Variants in UNC5B observed in about 807,000 individuals in gnomAD.
UNC5B encodes unc-5 netrin receptor B, also known as netrin receptor UNC5B.
Under a neutral mutation model 103.7 loss-of-function variants are expected in UNC5B, and 56 were observed. That is an observed-to-expected ratio of 0.54 (90% confidence interval 0.44 to 0.67). The LOEUF (loss-of-function observed/expected upper bound fraction) is 0.67. UNC5B is among the 30% of genes least tolerant of loss of function. UNC5B has a pLI of 0.00. For synonymous variants in UNC5B, 577 were observed against 542.0 expected (o/e 1.06, Z -0.90); for missense variants, 1,194 against 1,284.5 (o/e 0.93, Z 1.08).
At chr10:71,278,732 C>T (rs1250885185) in intron 1 of UNC5B, among the ~76,000 whole-genome samples, 2 of 152,350 alleles carry the variant, frequency 1.3e-5, no homozygotes, top group African/African-American at 2.4e-5. Context: ...CCCCTCCCTC[C>T]GCTGTAGGTG....
At chr10:71,226,867 G>C (rs1843574476) in intron 1 of UNC5B, among the ~76,000 whole-genome samples, 2 of 152,186 alleles carry the variant, frequency 1.3e-5, no homozygotes, top group South Asian at 4.2e-4. Flanking sequence ...TAGGAATTAA[G>C]GGATACTTTT....
In UNC5B at chr10:71,293,593, G is replaced by C. The variant is rs764779942; in HGVS notation, c.1941+20G>C. The C allele has an allele frequency of 6.2e-7, 1 of 1,613,168 alleles. No homozygotes were observed. The highest frequency in any genetic ancestry group is 8.5e-7 in the Non-Finnish European group (1 of 1,179,716). ...TGGGAGGTGAGGAGCCACGGTGAAGGCTGGCCCAGCTCTCCCAACCTGCCC... is the reference window on the plus strand; with the variant it reads ...TGGGAGGTGAGGAGCCACGGTGAAGCCTGGCCCAGCTCTCCCAACCTGCCC... On this transcript the variant is annotated intron_variant, in intron 12 of 16. Coordinates refer to ENST00000335350, the MANE Select transcript of UNC5B (RefSeq NM_170744.5).
chr10:71,269,063 T>G (rs917407959), intron 1 of UNC5B, among the ~76,000 whole-genome samples: 8 of 152,186 alleles, frequency 5.3e-5, no homozygotes, highest in Admixed American at 5.2e-4. Context: ...CCCAGCGTGT[T>G]CTGCTTATGA....
At chr10:71,223,603 C>CT (rs1434000802) in intron 1 of UNC5B, among the ~76,000 whole-genome samples, 1 of 152,098 alleles carries the variant, frequency 6.6e-6, no homozygotes, top group Non-Finnish European at 1.5e-5. Context: ...GTCAAGTGCC[C>CT]TGGGCCCCTT....
intron 1 of UNC5B, among the ~76,000 whole-genome samples, chr10:71,260,496 C>T (rs1164385104): frequency 2.0e-5 from 3 of 152,198 alleles, no homozygotes; most frequent in Non-Finnish European, 2.9e-5. Flanking sequence ...GAGGCAGGCA[C>T]CTCCCAAAAA....
At position 71,246,303 on chromosome 10, in the gene UNC5B, C is replaced by A. The variant is rs549676451; in HGVS notation, c.79+33239C>A. Among the ~76,000 whole-genome samples, 5 of 152,236 alleles carry A rather than the reference C, an allele frequency of 3.3e-5. No homozygotes were observed. In the East Asian group the frequency reaches 9.7e-4, roughly 30 times the overall value. Reference sequence around the variant, plus strand: ...ATGGAGGTCCCAGAAAGGCGGAGGACCCCAAGGGGAGAGGATCCGAGAGGT... The same window carrying A: ...ATGGAGGTCCCAGAAAGGCGGAGGAACCCAAGGGGAGAGGATCCGAGAGGT... On this transcript the variant is annotated intron_variant, in intron 1 of 16. Coordinates refer to ENST00000335350, the MANE Select transcript of UNC5B (RefSeq NM_170744.5).
At chr10:71,246,720 C>G (rs1844046462) in intron 1 of UNC5B, among the ~76,000 whole-genome samples, 1 of 152,144 alleles carries the variant, frequency 6.6e-6, no homozygotes, top group Non-Finnish European at 1.5e-5. Context: ...CCTTTCAGAG[C>G]CAGCCACATT....
intron 1 of UNC5B, among the ~76,000 whole-genome samples, chr10:71,237,358 C>G (rs1450800023): frequency 6.6e-6 from 1 of 152,228 alleles, no homozygotes; most frequent in Non-Finnish European, 1.5e-5. Flanking sequence ...TAATAGCAAT[C>G]TACCCCATAA....
chr10:71,218,898 G>T (rs952431443), intron 1 of UNC5B, among the ~76,000 whole-genome samples: 11 of 152,172 alleles, frequency 7.2e-5, no homozygotes, highest in South Asian at 6.2e-4. Context: ...CGTGGCTGGG[G>T]CCTGGGACTC....
At chr10:71,220,018 G>A (rs1843421368) in intron 1 of UNC5B, among the ~76,000 whole-genome samples, 1 of 152,178 alleles carries the variant, frequency 6.6e-6, no homozygotes, top group South Asian at 2.1e-4. Context: ...GCCCCTGTTA[G>A]CATCTGCTGT....
At chr10:71,225,080 A>C (rs1281734905) in intron 1 of UNC5B, among the ~76,000 whole-genome samples, 1 of 152,148 alleles carries the variant, frequency 6.6e-6, no homozygotes, top group South Asian at 2.1e-4. Flanking sequence ...TGGAAAGAGC[A>C]CTGGACTAGG....
At chr10:71,293,355 C>T (rs1845315189) in intron 11 of UNC5B, 50 bp from the exon 12 acceptor site, 5 of 1,561,898 alleles carry the variant, frequency 3.2e-6, no homozygotes, top group South Asian at 1.2e-5. Context: ...GGAGCCTGCA[C>T]CTTTGCCGAG....
At chr10:71,283,907 A>G (rs1233685262) in intron 2 of UNC5B, among the ~76,000 whole-genome samples, 1 of 152,170 alleles carries the variant, frequency 6.6e-6, no homozygotes, top group African/African-American at 2.4e-5. Flanking sequence ...GAGAGCAGGC[A>G]TCCCACCTCT....
In UNC5B at chr10:71,243,200, A is replaced by C. The variant is rs183252308; in HGVS notation, c.79+30136A>C. On this transcript the variant is annotated intron_variant, in intron 1 of 16. Coordinates refer to ENST00000335350, the MANE Select transcript of UNC5B (RefSeq NM_170744.5). ...CAGTGAACTCAGATCTCATCACGGC[A>C]CTCCAGCCTGGGCGACAGAGGGAGA... 6.0e-3 allele frequency among the ~76,000 whole-genome samples: 912 copies of C among 152,100 alleles called. 8 individuals are homozygous for C. Among genetic ancestry groups the C allele is most frequent in the Middle Eastern group, 0.027 (8 of 294 alleles).
At chr10:71,289,145 A>G (rs1271358297) in intron 8 of UNC5B, among the ~76,000 whole-genome samples, 155 bp downstream of exon 8, 2 of 152,100 alleles carry the variant, frequency 1.3e-5, no homozygotes, top group Non-Finnish European at 2.9e-5. Context: ...ATGTGTCTGC[A>G]TCTCCATCAC....
chr10:71,281,185 A>G (rs1844917097), intron 2 of UNC5B, among the ~76,000 whole-genome samples: 1 of 152,188 alleles, frequency 6.6e-6, no homozygotes, highest in Admixed American at 6.5e-5. Context: ...GCTTAAAACC[A>G]TACTCTAGAA....
Position 71,301,460 on chromosome 10 carries a change from C to T in UNC5B, c.*2183C>T, listed in dbSNP as rs1845583563. 1 of 152,276 alleles carries T rather than the reference C, an allele frequency of 6.6e-6. No individual in the cohort carries two copies. The highest frequency in any genetic ancestry group is 1.5e-5 in the Non-Finnish European group (1 of 68,088). The allele number at this position is 152,276 out of a possible 1,614,324, so 9.4% of individuals were successfully genotyped here. ...CGGAGGCTGAGACTAAGGCTTTCGA[C>T]CCTGGTGCCTCCATGTGGATGCTGC... On this transcript the variant is annotated 3_prime_UTR_variant, in exon 17 of 17. Transcript: ENST00000335350.
intron 1 of UNC5B, among the ~76,000 whole-genome samples, chr10:71,269,032 G>C (rs952059823): frequency 1.3e-5 from 2 of 152,174 alleles, no homozygotes; most frequent in African/African-American, 4.8e-5. Context: ...GGGGGCTGGT[G>C]GGGGGAGACA....
intron 1 of UNC5B, among the ~76,000 whole-genome samples, chr10:71,230,504 C>G (rs1379186434): frequency 1.3e-5 from 2 of 152,246 alleles, no homozygotes; most frequent in East Asian, 3.9e-4. Context: ...ACCTAGCCTG[C>G]CTCTCTGGGG....
Sources: allele counts gnomAD v4.1 joint callset (sites outside exome capture counted in the v4.1 genomes callset), GRCh38; gene constraint gnomAD v4.1.1; transcripts MANE v1.5; gene names NCBI Gene and HGNC (gene_info 2026-07-23, HGNC 2026-07-21).